The following DNAH14 variants were observed in gnomAD, a reference collection of about 807,000 sequenced individuals.
DNAH14 encodes dynein axonemal heavy chain 14.
DNAH14 carries 478 observed loss-of-function variants against 520.9 expected under a neutral mutation model. The ratio of observed to expected loss-of-function variants is 0.92; its 90% CI spans 0.85 to 0.99. The LOEUF is 0.99. DNAH14 is among the 50% of genes least tolerant of loss of function. The pLI is 0.00. For missense variants in DNAH14, 4,831 were observed against 5,234.5 expected (o/e 0.92, Z 2.38); for synonymous variants, 1,581 against 1,757.2 (o/e 0.90, Z 2.51).
chr1:225,107,498 C>T (rs556421793), intron 23 of DNAH14, among the ~76,000 whole-genome samples: 3 of 152,246 alleles, frequency 2.0e-5, no homozygotes, highest in South Asian at 2.1e-4. Flanking sequence ...GTCCTCATGC[C>T]GGCTTAGACA....
At chr1:225,253,292 T>C (rs1393943934) in intron 44 of DNAH14, among the ~76,000 whole-genome samples, 1 of 152,200 alleles carries the variant, frequency 6.6e-6, no homozygotes, top group African/African-American at 2.4e-5. Context: ...TAGAAAAGTA[T>C]AACTGAATAT....
In DNAH14 at chr1:225,117,922, G is replaced by C; in HGVS notation, c.4014G>C (p.Leu1338Phe). 1 of 1,551,138 alleles carries C rather than the reference G, an allele frequency of 6.4e-7. No homozygotes were observed. Among genetic ancestry groups the C allele is most frequent in the Non-Finnish European group, 8.7e-7 (1 of 1,146,748 alleles). ...GCTTTGAAAATATAAAACAATTATTGATATGGAAACAAGACATTGGCCCTC... is the reference window on the plus strand; with the variant it reads ...GCTTTGAAAATATAAAACAATTATTCATATGGAAACAAGACATTGGCCCTC... ...VKCFENIKQL[L>F]IWKQDIGPPA... The change falls in exon 25 of 86, where the codon TTG becomes TTC. Residue 1338 changes from leucine (L) to phenylalanine (F), a missense_variant. Leu to Phe is a conservative substitution (Grantham distance 22). Coordinates refer to ENST00000682510, the MANE Select transcript of DNAH14 (RefSeq NM_001367479.1).
At chr1:225,296,828 G>T (rs539994783) in intron 55 of DNAH14, among the ~76,000 whole-genome samples, 1 of 152,180 alleles carries the variant, frequency 6.6e-6, no homozygotes, top group East Asian at 1.9e-4. Flanking sequence ...GTCCTTTAAG[G>T]TTTCTGCTGA....
In DNAH14 at chr1:224,998,377, T is replaced by C. The variant is rs563998716; in HGVS notation, c.831-4406T>C. Among the ~76,000 whole-genome samples the C allele has an allele frequency of 3.9e-5, 6 of 152,302 alleles. No individual in the cohort carries two copies. The South Asian group carries it at 1.2e-3, about 32-fold the overall frequency. On this transcript the variant is annotated intron_variant, in intron 8 of 85. Transcript: ENST00000682510. Reference sequence around the variant, plus strand: ...TTAAAGTGAGAGCCTAGATTATTGATTTCGCAATGCCTCTTTAATGTAAGC... The same window carrying C: ...TTAAAGTGAGAGCCTAGATTATTGACTTCGCAATGCCTCTTTAATGTAAGC...
chr1:225,037,180 A>G (rs1017304030), intron 11 of DNAH14, among the ~76,000 whole-genome samples: 4 of 152,076 alleles, frequency 2.6e-5, no homozygotes, highest in Non-Finnish European at 2.9e-5. Context: ...CTGCCACTCT[A>G]TATCTTTTGA....
intron 73 of DNAH14, among the ~76,000 whole-genome samples, chr1:225,358,193 C>A (rs547716997): frequency 6.6e-6 from 1 of 152,254 alleles, no homozygotes; most frequent in South Asian, 2.1e-4. Flanking sequence ...GAAAAAATTT[C>A]TTTTTGCAGA....
At chr1:225,344,691 TTTTATTTATTTATTTA>T (rs10605144) in intron 69 of DNAH14, among the ~76,000 whole-genome samples, 28 of 143,138 alleles carry the variant, frequency 2.0e-4, no homozygotes, top group African/African-American at 3.4e-4. Flanking sequence ...CTAGCCATTC[TTTTATTTATTTATTTA>T]TTTATTTATT....
At chr1:225,253,511 C>T (rs550256780) in intron 44 of DNAH14, among the ~76,000 whole-genome samples, 2 of 151,960 alleles carry the variant, frequency 1.3e-5, no homozygotes, top group African/African-American at 4.8e-5. Context: ...CATGGTAAAC[C>T]GCAATATGAT....
intron 17 of DNAH14, among the ~76,000 whole-genome samples, chr1:225,057,338 T>C (rs1235227481): frequency 1.3e-5 from 2 of 152,190 alleles, no homozygotes; most frequent in East Asian, 3.9e-4. Context: ...CTGTCTGTTA[T>C]TGGTGTATAA....
At chr1:225,156,943 T>C in intron 34 of DNAH14, among the ~76,000 whole-genome samples, 1 of 110,092 alleles carries the variant, frequency 9.1e-6, no homozygotes, top group South Asian at 3.3e-4. Context: ...TCTCGATCTC[T>C]TGACCTCGTG....
intron 41 of DNAH14, among the ~76,000 whole-genome samples, chr1:225,208,865 A>G (rs1396392611): frequency 6.6e-6 from 1 of 152,126 alleles, no homozygotes; most frequent in Non-Finnish European, 1.5e-5. Context: ...GCTCTGCTAC[A>G]TGCAGTCTGC....
At chr1:225,264,830 T>G (rs765197230) in intron 47 of DNAH14, among the ~76,000 whole-genome samples, 3 of 152,186 alleles carry the variant, frequency 2.0e-5, no homozygotes, top group Non-Finnish European at 4.4e-5. Context: ...TTTAAGTTGC[T>G]GTAGCTATAG....
chr1:225,385,520 C>G (rs569993111), intron 81 of DNAH14, among the ~76,000 whole-genome samples: 14 of 152,328 alleles, frequency 9.2e-5, no homozygotes, highest in Middle Eastern at 3.4e-3. Context: ...TGATAAGCAA[C>G]TTCAGCAAAG....
intron 8 of DNAH14, 24 bp from the exon 9 acceptor site, chr1:225,002,759 C>G: frequency 6.5e-7 from 1 of 1,543,476 alleles, no homozygotes; most frequent in Non-Finnish European, 8.8e-7. Flanking sequence ...AGAGATATAT[C>G]TGTAGAAATT....
chr1:225,001,208 C>G (rs751844095), intron 8 of DNAH14, among the ~76,000 whole-genome samples: 2 of 151,958 alleles, frequency 1.3e-5, no homozygotes, highest in Non-Finnish European at 2.9e-5. Flanking sequence ...AGGGAACTTA[C>G]CACCATGTCA....
At chr1:225,312,416 C>G (rs2094387046) in intron 60 of DNAH14, among the ~76,000 whole-genome samples, 1 of 152,092 alleles carries the variant, frequency 6.6e-6, no homozygotes, top group Non-Finnish European at 1.5e-5. Flanking sequence ...TCCCTCTCTT[C>G]CTATTTGAAT....
intron 41 of DNAH14, among the ~76,000 whole-genome samples, chr1:225,208,702 CAAAAAGTAA>C (rs2087931661): frequency 6.6e-6 from 1 of 152,152 alleles, no homozygotes; most frequent in Non-Finnish European, 1.5e-5. Flanking sequence ...TTAAACATGA[CAAAAAGTAA>C]AAACCCACAC....
At chr1:225,230,137 G>T (rs1392302691) in intron 41 of DNAH14, among the ~76,000 whole-genome samples, 1 of 152,076 alleles carries the variant, frequency 6.6e-6, no homozygotes, top group African/African-American at 2.4e-5. Context: ...GAGAAGCATA[G>T]AAAGATTTAT....
At chr1:225,339,265 C>T (rs865992535) in intron 68 of DNAH14, among the ~76,000 whole-genome samples, 21 of 151,740 alleles carry the variant, frequency 1.4e-4, no homozygotes, top group Admixed American at 5.2e-4. Context: ...GAGCTGAGAT[C>T]GCACCATTGC....
Sources: allele counts gnomAD v4.1 joint callset (sites outside exome capture counted in the v4.1 genomes callset), GRCh38; gene constraint gnomAD v4.1.1; transcripts MANE v1.5; gene names NCBI Gene and HGNC (gene_info 2026-07-23, HGNC 2026-07-21).